CAD: variants seen among roughly 807,000 people sequenced by gnomAD.
The protein encoded by CAD is carbamoyl-phosphate synthetase 2, aspartate transcarbamylase, and dihydroorotase.
Under a neutral mutation model 237.2 loss-of-function variants are expected in CAD, and 81 were observed. The ratio of observed to expected loss-of-function variants is 0.34; its 90% CI spans 0.29 to 0.41. The LOEUF is 0.41. Among genes scored for constraint, CAD ranks in the 10% least tolerant of loss-of-function variants. The pLI is 1.00. For missense variants in CAD, 2,181 were observed against 2,951.7 expected (o/e 0.74, Z 6.05); for synonymous variants, 1,196 against 1,162.8 (o/e 1.03, Z -0.58).
rs1318620926 is a variant in CAD at position 27,222,857 on chromosome 2, C to G, written c.638-9C>G. On this transcript the variant is annotated splice_polypyrimidine_tract_variant and intron_variant, in intron 5 of 43. Transcript: ENST00000264705. The stretch of plus-strand genomic sequence containing the variant: ...CTGATTTTGATGTCATCTTTTCTGC[C>G]CACTCCAGAGTATGAGGGTCTCTTC... The G allele has an allele frequency of 1.9e-6, 3 of 1,613,372 alleles. No homozygotes were observed. The highest frequency in any genetic ancestry group is 2.5e-6 in the Non-Finnish European group (3 of 1,179,486).
intron 1 of CAD, 55 bp from the exon 2 acceptor site, chr2:27,217,822 G>A: frequency 6.5e-7 from 1 of 1,537,192 alleles, no homozygotes; most frequent in South Asian, 1.3e-5. Context: ...CTCATCGCGC[G>A]GGGAGTGTTC....
In CAD at chr2:27,241,443, G is replaced by T; in HGVS notation, c.5883+47G>T. 1 of 1,591,768 alleles carries T rather than the reference G, an allele frequency of 6.3e-7. No homozygotes were observed. The highest frequency in any genetic ancestry group is 2.2e-5 in the East Asian group (1 of 44,776). ...AGGGTCCAGGCCATCGCCTGCCCTT[G>T]GGCCGCATCAGCGCAGGGCCGCGCA... is the stretch of plus-strand genomic sequence containing the variant. On this transcript the variant is annotated intron_variant, in intron 38 of 43. Coordinates refer to ENST00000264705, the MANE Select transcript of CAD (RefSeq NM_004341.5). This position sits in a 1 kb window ranked among gnomAD's most constrained non-coding sequence, Gnocchi z 4.6.
At position 27,235,688 on chromosome 2, in the gene CAD, G is replaced by T; in HGVS notation, c.4074+48G>T. The stretch of plus-strand genomic sequence containing the variant: ...CCCCACTGCTGCCCTTCCCCAAGGG[G>T]GTGAAAATACTGCACCAAAGAATTA... On this transcript the variant is annotated intron_variant, in intron 25 of 43. Coordinates refer to ENST00000264705, the MANE Select transcript of CAD (RefSeq NM_004341.5). The surrounding 1 kb of genome is among the most constrained non-coding windows in gnomAD (Gnocchi z 5.2). 6.6e-7 allele frequency: 1 copy of T among 1,512,774 alleles called. No individual in the cohort carries two copies. The highest frequency in any genetic ancestry group is 9.2e-7 in the Non-Finnish European group (1 of 1,089,850). The allele number at this position is 1,512,774 out of a possible 1,614,324, so 93.7% of individuals were successfully genotyped here.
At position 27,236,952 on chromosome 2, in the gene CAD, C is replaced by T. The variant is rs749115398; in HGVS notation, c.4396+122C>T. ...TCCTGGACTGCACAGACTGTGAAGA[C>T]CCCAGAATGTTTCTCACTCTTTCAT... On this transcript the variant is annotated intron_variant, in intron 27 of 43. Transcript: ENST00000264705. The surrounding 1 kb of genome is among the most constrained non-coding windows in gnomAD (Gnocchi z 4.1). 1 of 801,884 alleles carries T rather than the reference C, an allele frequency of 1.2e-6. No homozygotes were observed. The highest frequency in any genetic ancestry group is 2.2e-6 in the Non-Finnish European group (1 of 456,812). The allele number at this position is 801,884 out of a possible 1,614,324, so 49.7% of individuals were successfully genotyped here. A position where few individuals can be genotyped will look rare whatever the true frequency, so the allele number is the denominator to read the frequency against.
In CAD at chr2:27,223,555, AC is replaced by A; in HGVS notation, c.810-6del. On this transcript the variant is annotated splice_polypyrimidine_tract_variant and splice_region_variant and intron_variant, in intron 6 of 43. Coordinates refer to ENST00000264705, the MANE Select transcript of CAD (RefSeq NM_004341.5). Reference sequence around the variant, plus strand: ...AGGGCCTGTGACTCGGCATGCTTCTACCTCCAGATATGGGAACCGAGGCCAT... The same window carrying A: ...AGGGCCTGTGACTCGGCATGCTTCTACTCCAGATATGGGAACCGAGGCCAT... The A allele has an allele frequency of 6.2e-7, 1 of 1,611,790 alleles. No homozygotes were observed. Among genetic ancestry groups the A allele is most frequent in the Non-Finnish European group, 8.5e-7 (1 of 1,179,630 alleles).
At position 27,235,290 on chromosome 2, in the gene CAD, T is replaced by C; in HGVS notation, c.3832T>C (p.Leu1278=). The C allele has an allele frequency of 6.2e-7, 1 of 1,613,600 alleles. No homozygotes were observed. The highest frequency in any genetic ancestry group is 8.5e-7 in the Non-Finnish European group (1 of 1,179,832). ...CCGCTTGGCGGGTGCTGACGTGGTG[T>C]TGGGTGTGGAAATGACCAGTACTGG... ...FSRLAGADVV[L]GVEMTSTGEV... Residue 1278 remains leucine (L), a synonymous_variant, in exon 24 of 44, where the codon TTG becomes CTG. Transcript: ENST00000264705. The surrounding 1 kb of genome is among the most constrained non-coding windows in gnomAD (Gnocchi z 5.2).
rs571905859 is a variant in CAD at position 27,233,212 on chromosome 2, T to A, written c.2991+72T>A. 12 of 1,513,196 alleles carry A rather than the reference T, an allele frequency of 7.9e-6. No individual in the cohort carries two copies. In the South Asian group the frequency reaches 1.4e-4, roughly 17 times the overall value. The allele number at this position is 1,513,196 out of a possible 1,614,324, so 93.7% of individuals were successfully genotyped here. ...GTAGAACAGCTGGCTGACCTAAGAT[T>A]CTTTGAAACTTGGTGGCGGCTGAGG... On this transcript the variant is annotated intron_variant, in intron 19 of 43. Transcript: ENST00000264705. This position sits in a 1 kb window ranked among gnomAD's most constrained non-coding sequence, Gnocchi z 6.3.
chr2:27,236,098 A>G lies in CAD; in HGVS notation c.4075-186A>G, dbSNP rs1243738872. Among the ~76,000 whole-genome samples, 4 of 152,140 alleles carry G rather than the reference A, an allele frequency of 2.6e-5. No homozygotes were observed. The highest frequency in any genetic ancestry group is 5.9e-5 in the Non-Finnish European group (4 of 68,044). On this transcript the variant is annotated intron_variant, in intron 25 of 43. Coordinates refer to ENST00000264705, the MANE Select transcript of CAD (RefSeq NM_004341.5). This position sits in a 1 kb window ranked among gnomAD's most constrained non-coding sequence, Gnocchi z 4.1. Reference sequence around the variant, plus strand: ...TAGTCCTTGGTAACCCATCTTACTTAGTGTAGATATCTTTCCTGCCAAGAA... The same window carrying G: ...TAGTCCTTGGTAACCCATCTTACTTGGTGTAGATATCTTTCCTGCCAAGAA...
At chr2:27,230,291 T>G (rs1196065737) in intron 15 of CAD, among the ~76,000 whole-genome samples, 1 of 151,810 alleles carries the variant, frequency 6.6e-6, no homozygotes, top group East Asian at 1.9e-4. Context: ...GGAAAATGTA[T>G]GATGAGGAAA....
In CAD at chr2:27,240,224, A is replaced by G. The variant is rs773394932; in HGVS notation, c.5497-41A>G. The G allele has an allele frequency of 2.6e-6, 2 of 764,898 alleles. No homozygotes were observed. The highest frequency in any genetic ancestry group is 3.8e-6 in the Non-Finnish European group (2 of 526,922). 47.4% of individuals were successfully genotyped at this position (764,898 alleles called of 1,614,324 possible). On this transcript the variant is annotated intron_variant, in intron 34 of 43. Transcript: ENST00000264705. This position sits in a 1 kb window ranked among gnomAD's most constrained non-coding sequence, Gnocchi z 4.6. ...ACAGAACGAGACTCCGTCTCAAAAGAAAAAAAAAAAAACAACTCTGGGCCA... is the reference window on the plus strand; with the variant it reads ...ACAGAACGAGACTCCGTCTCAAAAGGAAAAAAAAAAAACAACTCTGGGCCA...
At chr2:27,227,068 C>G (rs1180525753) in intron 15 of CAD, 106 bp downstream of exon 15, 2 of 936,280 alleles carry the variant, frequency 2.1e-6, no homozygotes, top group African/African-American at 3.3e-5. Context: ...GGAGCAGGTG[C>G]TTGAGACATT....
Position 27,231,504 on chromosome 2 carries a change from C to T in CAD, c.2324C>T (p.Ala775Val), listed in dbSNP as rs765440558. 6.2e-7 allele frequency: 1 copy of T among 1,613,204 alleles called. No individual in the cohort carries two copies. The highest frequency in any genetic ancestry group is 8.5e-7 in the Non-Finnish European group (1 of 1,179,134). ...GGCATTGGGCGTTCATTTGAGGAGG[C>T]CTTCCAGAAGGCCCTGCGCATGGTG... ...VMGIGRSFEEAFQKALRMVDE... is the reference protein window; with the variant it reads ...VMGIGRSFEEVFQKALRMVDE... Residue 775 changes from alanine (A) to valine (V), a missense_variant, in exon 16 of 44, where the codon GCC (alanine) becomes GTC (valine). Ala to Val is a moderately conservative substitution (Grantham distance 64). This residue lies in a region of CAD where 385 missense variants were observed against 535.1 expected (regional missense o/e 0.72). Coordinates refer to ENST00000264705, the MANE Select transcript of CAD (RefSeq NM_004341.5).
At chr2:27,219,500 G>T (rs1272296075) in intron 2 of CAD, among the ~76,000 whole-genome samples, 1 of 152,056 alleles carries the variant, frequency 6.6e-6, no homozygotes, top group Non-Finnish European at 1.5e-5. Context: ...CTGCCGCCAT[G>T]CCTGGCTACT....
intron 2 of CAD, 105 bp from the exon 3 acceptor site, chr2:27,221,113 G>T: frequency 2.2e-6 from 2 of 917,692 alleles, no homozygotes; most frequent in Non-Finnish European, 1.6e-6. Flanking sequence ...TATATTGAAG[G>T]CCATTCAATG....
chr2:27,222,405 G>C, intron 4 of CAD, 69 bp downstream of exon 4: 1 of 1,582,732 alleles, frequency 6.3e-7, no homozygotes, highest in Non-Finnish European at 8.6e-7. Context: ...ACAATTGGGG[G>C]GTGAACACAG....
rs367833212 is a variant in CAD, at chr2:27,233,328, A to G, written c.3008A>G (p.Tyr1003Cys). Residue 1003 changes from tyrosine to cysteine, a missense_variant, in exon 20 of 44, where the codon TAT (tyrosine) becomes TGT (cysteine). Around this residue, in one of 12 missense-constraint regions of CAD, gnomAD observed 385 missense variants for 535.1 expected, o/e 0.72. Transcript: ENST00000264705. This position sits in a 1 kb window ranked among gnomAD's most constrained non-coding sequence, Gnocchi z 6.3. ...GCAACGTAGGTGGTGATGGACATCTATGAGCTCGAGAACCCTGAAGGTGTG... is the reference window on the plus strand; with the variant it reads ...GCAACGTAGGTGGTGATGGACATCTGTGAGCTCGAGAACCCTGAAGGTGTG... ...EISFEVVMDIYELENPEGVIL... is the reference protein window; with the variant it reads ...EISFEVVMDICELENPEGVIL... 20 of 1,614,196 alleles carry G rather than the reference A, an allele frequency of 1.2e-5. No homozygotes were observed. Among genetic ancestry groups the G allele is most frequent in the South Asian group, 8.8e-5 (8 of 91,086 alleles).
chr2:27,223,141 C>T (rs1572424783), intron 6 of CAD, 104 bp downstream of exon 6: 6 of 1,256,792 alleles, frequency 4.8e-6, no homozygotes, highest in East Asian at 2.4e-5. Flanking sequence ...GAAATAGGAG[C>T]GGGGGGGTTG....
In CAD at chr2:27,242,359, C is replaced by T. The variant is rs1676363943; in HGVS notation, c.6154C>T (p.His2052Tyr). Residue 2052 changes from histidine (H) to tyrosine (Y), a missense_variant, in exon 40 of 44, where the codon CAC becomes TAC. Coordinates refer to ENST00000264705, the MANE Select transcript of CAD (RefSeq NM_004341.5). The surrounding 1 kb of genome is among the most constrained non-coding windows in gnomAD (Gnocchi z 6.4). ...CAATGCTGGGGATGGGGTCGGAGAG[C>T]ACCCCACCCAGGCCCTGCTGGACAT... is the stretch of plus-strand genomic sequence containing the variant. ...VINAGDGVGE[H>Y]PTQALLDIFT... 5.0e-6 allele frequency: 8 copies of T among 1,613,974 alleles called. No individual in the cohort carries two copies. Among genetic ancestry groups the T allele is most frequent in the Non-Finnish European group, 6.8e-6 (8 of 1,179,876 alleles).
rs1416843473 is a variant in CAD at position 27,225,421 on chromosome 2, C to G, written c.1620+178C>G. ...TCCCAGATTCAAGCGACTCTCCTGCCTCAGCTTCCTGAGTAGCTGGGATTA... is the reference window on the plus strand; with the variant it reads ...TCCCAGATTCAAGCGACTCTCCTGCGTCAGCTTCCTGAGTAGCTGGGATTA... On this transcript the variant is annotated intron_variant, in intron 11 of 43. Transcript: ENST00000264705. Among the ~76,000 whole-genome samples the G allele has an allele frequency of 2.0e-5, 3 of 151,372 alleles. No homozygotes were observed. The Admixed American group carries it at 2.0e-4, about 10-fold the overall frequency.
Sources: gnomAD v4.1 joint callset for allele counts (sites outside exome capture counted in the v4.1 genomes callset) on GRCh38, gnomAD v4.1.1 for gene constraint, gnomAD v4.1.1 regional missense constraint, Gnocchi (gnomAD v3.1) non-coding constraint, MANE v1.5 for transcripts, NCBI Gene and HGNC (gene_info 2026-07-23, HGNC 2026-07-21) for gene names.